Variants in DLG2 observed in about 807,000 individuals in gnomAD.
DLG2 encodes disks large homolog 2.
DLG2 carries 45 observed loss-of-function variants against 132.5 expected under a neutral mutation model. The ratio of observed to expected loss-of-function variants is 0.34; its 90% CI spans 0.27 to 0.44. The LOEUF is 0.44. Among genes scored for constraint, DLG2 ranks in the 20% least tolerant of loss-of-function variants. DLG2 has a pLI of 1.00. For synonymous variants in DLG2, 424 were observed against 419.6 expected (o/e 1.01, Z -0.13); for missense variants, 1,045 against 1,196.9 (o/e 0.87, Z 1.87).
chr11:84,424,160 T>C (rs1181138988), intron 7 of DLG2, among the ~76,000 whole-genome samples: 1 of 152,092 alleles, frequency 6.6e-6, no homozygotes, highest in Admixed American at 6.6e-5. Context: ...ATGACAGTAA[T>C]CCTAGTATCT....
chr11:84,292,168 C>G (rs776637288), intron 7 of DLG2, among the ~76,000 whole-genome samples: 2 of 152,126 alleles, frequency 1.3e-5, no homozygotes, highest in African/African-American at 4.8e-5. Flanking sequence ...GTCACTGAAG[C>G]TGGATTTGCA....
At chr11:85,492,075 G>A (rs558618050) in intron 3 of DLG2, among the ~76,000 whole-genome samples, 1 of 152,144 alleles carries the variant, frequency 6.6e-6, no homozygotes, top group Admixed American at 6.5e-5. Flanking sequence ...AGTTAACAAT[G>A]TAATATATTC....
intron 15 of DLG2, among the ~76,000 whole-genome samples, chr11:83,896,873 C>A (rs966534593): frequency 2.0e-5 from 3 of 152,060 alleles, no homozygotes; most frequent in Non-Finnish European, 2.9e-5. Context: ...TATAATAAAT[C>A]AGTCTAGGGC....
At chr11:84,736,903 A>G (rs556645228) in intron 6 of DLG2, among the ~76,000 whole-genome samples, 28 of 152,084 alleles carry the variant, frequency 1.8e-4, no homozygotes, top group Non-Finnish European at 3.4e-4. Flanking sequence ...ATGTTGCACA[A>G]AAGTAGTGAA....
At chr11:84,830,273 C>A (rs941792182) in intron 6 of DLG2, among the ~76,000 whole-genome samples, 1 of 151,284 alleles carries the variant, frequency 6.6e-6, no homozygotes, top group African/African-American at 2.4e-5. Flanking sequence ...TGCCATAGAT[C>A]ATATGACCTT....
rs566131068 is a variant in DLG2, at chr11:84,145,002, C to G, written c.624+18459G>C. Among the ~76,000 whole-genome samples the G allele has an allele frequency of 4.6e-5, 7 of 152,208 alleles. No individual in the cohort carries two copies. In the South Asian group the frequency reaches 1.5e-3, roughly 32 times the overall value. The stretch of plus-strand genomic sequence containing the variant: ...GTATTCCCTGGATCTTTGTTATTTC[C>G]AATATTCTCAGAATCTGGTAACTCC... On this transcript the variant is annotated intron_variant, in intron 9 of 27. Coordinates refer to ENST00000376104, the MANE Select transcript of DLG2 (RefSeq NM_001142699.3).
chr11:85,226,591 A>G (rs543575950), intron 4 of DLG2, among the ~76,000 whole-genome samples: 1 of 152,296 alleles, frequency 6.6e-6, no homozygotes, highest in Admixed American at 6.5e-5. Context: ...ACGATAACAG[A>G]AAGTGAATAA....
chr11:84,445,293 T>C (rs958748689), intron 7 of DLG2, among the ~76,000 whole-genome samples: 1 of 152,196 alleles, frequency 6.6e-6, no homozygotes, highest in African/African-American at 2.4e-5. Flanking sequence ...TACAGATAAA[T>C]ACATTTTAAT....
intron 6 of DLG2, among the ~76,000 whole-genome samples, chr11:84,561,246 T>C (rs560844137): frequency 1.2e-4 from 19 of 152,194 alleles, no homozygotes; most frequent in Middle Eastern, 6.8e-3. Context: ...ATAATTATCC[T>C]ACAAAAATAA....
intron 7 of DLG2, among the ~76,000 whole-genome samples, chr11:84,357,290 C>T (rs2098620866): frequency 6.6e-6 from 1 of 151,968 alleles, no homozygotes; most frequent in African/African-American, 2.4e-5. Context: ...ATTACTGTTC[C>T]TATTTTACAG....
At chr11:83,870,299 T>C (rs2063190423) in intron 16 of DLG2, among the ~76,000 whole-genome samples, 1 of 152,204 alleles carries the variant, frequency 6.6e-6, no homozygotes, top group Non-Finnish European at 1.5e-5. Context: ...TTTCACTCTA[T>C]TGAGTCTCCA....
At chr11:83,700,365 A>G (rs1030626938) in intron 18 of DLG2, among the ~76,000 whole-genome samples, 3 of 152,144 alleles carry the variant, frequency 2.0e-5, no homozygotes, top group Non-Finnish European at 2.9e-5. Flanking sequence ...GCTTTCATTG[A>G]GACTTAAGGA....
intron 9 of DLG2, among the ~76,000 whole-genome samples, chr11:84,132,991 G>A (rs1387555259): frequency 6.6e-6 from 1 of 152,030 alleles, no homozygotes; most frequent in Non-Finnish European, 1.5e-5. Context: ...TTAAAGAAAA[G>A]CTATATTTAC....
At chr11:83,693,818 A>G (rs1202954921) in intron 18 of DLG2, 1 of 152,160 alleles carries the variant, frequency 6.6e-6, no homozygotes, top group East Asian at 1.9e-4. Flanking sequence ...AAGGTGACAG[A>G]TCGGAAAGGG....
chr11:84,283,096 A>C (rs1030076697), intron 7 of DLG2, among the ~76,000 whole-genome samples: 1 of 152,204 alleles, frequency 6.6e-6, no homozygotes, highest in Non-Finnish European at 1.5e-5. Context: ...TAAAATTTCT[A>C]GTTTCCCCAT....
intron 19 of DLG2, among the ~76,000 whole-genome samples, chr11:83,586,909 A>G (rs1343263516): frequency 1.3e-5 from 2 of 152,206 alleles, no homozygotes; most frequent in Non-Finnish European, 2.9e-5. Flanking sequence ...AGGGTTGTGA[A>G]AATCGAAGTT....
At chr11:84,386,745 C>T (rs2098772050) in intron 7 of DLG2, among the ~76,000 whole-genome samples, 1 of 152,030 alleles carries the variant, frequency 6.6e-6, no homozygotes, top group African/African-American at 2.4e-5. Flanking sequence ...GAATGTTTCT[C>T]ACATCGAGGT....
chr11:84,320,857 G>T (rs1599829505), intron 7 of DLG2, among the ~76,000 whole-genome samples: 1 of 152,078 alleles, frequency 6.6e-6, no homozygotes, highest in East Asian at 1.9e-4. Flanking sequence ...TGGGGAAGGG[G>T]TTAATCTGAA....
chr11:84,959,849 T>C (rs1215537958), intron 6 of DLG2, among the ~76,000 whole-genome samples: 2 of 151,994 alleles, frequency 1.3e-5, no homozygotes, highest in African/African-American at 4.8e-5. Flanking sequence ...GTGGGAGAAC[T>C]ACAGGACAAA....
Sources: allele counts gnomAD v4.1 joint callset (sites outside exome capture counted in the v4.1 genomes callset), GRCh38; gene constraint gnomAD v4.1.1; transcripts MANE v1.5; gene names NCBI Gene and HGNC (gene_info 2026-07-23, HGNC 2026-07-21).